The following KHDRBS2 variants were observed in gnomAD, a reference collection of about 807,000 sequenced individuals.
KHDRBS2 encodes the protein KH RNA binding domain containing, signal transduction associated 2, also known as KH domain-containing, RNA-binding, signal transduction-associated protein 2.
KHDRBS2 carries 26 observed loss-of-function variants against 44.3 expected under a neutral mutation model. The observed-to-expected ratio is 0.59, with a 90% CI of 0.43 to 0.81. KHDRBS2 has a LOEUF of 0.81. Ranked by LOEUF, KHDRBS2 falls within the 40% of genes least tolerant of loss-of-function variation. The probability of loss-of-function intolerance (pLI) is 0.00; values close to 1 mark genes in which losing one functional copy is unlikely to be tolerated. For synonymous variants in KHDRBS2, 194 were observed against 151.1 expected (o/e 1.28, Z -2.08); for missense variants, 476 against 433.1 (o/e 1.10, Z -0.88).
the KHDRBS2 span, among the ~76,000 whole-genome samples, chr6:61,543,913 A>G: frequency 6.6e-6 from 1 of 152,046 alleles, no homozygotes; most frequent in Non-Finnish European, 1.5e-5. Flanking sequence ...AATTGAACTC[A>G]TGGAGACAGT....
intron 2 of KHDRBS2, among the ~76,000 whole-genome samples, chr6:62,153,461 T>C (rs1469383047): frequency 6.6e-6 from 1 of 150,828 alleles, no homozygotes. Context: ...AAATAGTCAA[T>C]ACTTGGCTCT....
intron 1 of KHDRBS2, among the ~76,000 whole-genome samples, chr6:62,193,632 G>A (rs1158559342): frequency 6.6e-6 from 1 of 152,008 alleles, no homozygotes; most frequent in East Asian, 1.9e-4. Context: ...ATTCCTGCAG[G>A]TGGACATTTT....
intron 6 of KHDRBS2, among the ~76,000 whole-genome samples, chr6:61,752,305 A>G (rs1462762135): frequency 6.6e-6 from 1 of 152,128 alleles, no homozygotes; most frequent in Non-Finnish European, 1.5e-5. Context: ...GACTTTTTCT[A>G]TTTCAAAGGT....
chr6:61,945,110 A>ATTTAT, intron 4 of KHDRBS2, among the ~76,000 whole-genome samples: 1 of 46,272 alleles, frequency 2.2e-5, no homozygotes, highest in African/African-American at 1.1e-4. Flanking sequence ...AAAAAAAAAA[A>ATTTAT]AAGTATATAT....
downstream of KHDRBS2, among the ~76,000 whole-genome samples, chr6:61,678,350 A>C (rs1766061789): frequency 6.6e-6 from 1 of 151,962 alleles, no homozygotes; most frequent in Admixed American, 6.6e-5. Flanking sequence ...TTTACTCCGT[A>C]ACTATCTGCT....
chr6:61,748,019 C>G (rs1379715098), intron 6 of KHDRBS2, among the ~76,000 whole-genome samples: 1 of 152,166 alleles, frequency 6.6e-6, no homozygotes, highest in Non-Finnish European at 1.5e-5. Context: ...GAGACAGAGT[C>G]TCACACTGTT....
At chr6:61,743,631 T>C (rs1451203331) in intron 6 of KHDRBS2, among the ~76,000 whole-genome samples, 1 of 152,120 alleles carries the variant, frequency 6.6e-6, no homozygotes, top group African/African-American at 2.4e-5. Flanking sequence ...TTTATTTTTT[T>C]AATTTTATTA....
intron 2 of KHDRBS2, among the ~76,000 whole-genome samples, chr6:62,093,653 C>T (rs1010201428): frequency 6.6e-6 from 1 of 151,800 alleles, no homozygotes; most frequent in African/African-American, 2.4e-5. Context: ...CTCCTTTACA[C>T]CCTCCAAATC....
intron 6 of KHDRBS2, among the ~76,000 whole-genome samples, chr6:61,872,821 G>GT (rs778164146): frequency 2.0e-5 from 3 of 152,034 alleles, no homozygotes; most frequent in East Asian, 1.9e-4. Context: ...AATTAAGTTG[G>GT]TGTTATATTG....
intron 1 of KHDRBS2, among the ~76,000 whole-genome samples, chr6:62,221,695 C>T (rs1410394229): frequency 6.6e-6 from 1 of 152,126 alleles, no homozygotes; most frequent in African/African-American, 2.4e-5. Flanking sequence ...AATCCACCAT[C>T]ACTGTTGTAG....
chr6:61,559,671 A>G, the KHDRBS2 span, among the ~76,000 whole-genome samples: 1 of 152,192 alleles, frequency 6.6e-6, no homozygotes, highest in Non-Finnish European at 1.5e-5. Flanking sequence ...TGATTGCATA[A>G]ACAAAGAAAC....
At chr6:62,061,688 T>C (rs902656212) in intron 2 of KHDRBS2, among the ~76,000 whole-genome samples, 1 of 151,344 alleles carries the variant, frequency 6.6e-6, no homozygotes, top group East Asian at 2.0e-4. Context: ...CTTTGTGGCC[T>C]TCTCTGTATT....
At chr6:62,133,250 A>T (rs1448797992) in intron 2 of KHDRBS2, among the ~76,000 whole-genome samples, 1 of 151,974 alleles carries the variant, frequency 6.6e-6, no homozygotes, top group Non-Finnish European at 1.5e-5. Flanking sequence ...TTCCCACGTG[A>T]TGTGGGAGAG....
intron 5 of KHDRBS2, among the ~76,000 whole-genome samples, chr6:61,897,360 A>T (rs1352169373): frequency 6.6e-6 from 1 of 152,142 alleles, no homozygotes. Context: ...TTAAAAATAC[A>T]TTGAGATATT....
chr6:62,170,148 C>A lies in KHDRBS2; in HGVS notation c.219+7037G>T, dbSNP rs1289037473. On this transcript the variant is annotated intron_variant, in intron 2 of 8. Transcript: ENST00000281156. The stretch of plus-strand genomic sequence containing the variant: ...TTCCCTGGGGAAGCACCCAGACAGT[C>A]ATCTGACCCCACCCACTCCCACAGC... 6.6e-5 allele frequency among the ~76,000 whole-genome samples: 10 copies of A among 152,124 alleles called. No homozygotes were observed. In the East Asian group the frequency reaches 2.0e-3, roughly 30 times the overall value.
the KHDRBS2 span, among the ~76,000 whole-genome samples, chr6:61,560,965 C>A: frequency 2.0e-5 from 3 of 152,206 alleles, no homozygotes; most frequent in South Asian, 2.1e-4. Context: ...CTTAGGAAAG[C>A]TTTTCAGGTA....
intron 1 of KHDRBS2, among the ~76,000 whole-genome samples, chr6:62,220,988 T>C (rs542275135): frequency 2.7e-4 from 41 of 152,002 alleles, no homozygotes; most frequent in African/African-American, 8.2e-4. Context: ...AGAAATTAAA[T>C]CACCACCTTG....
chr6:61,591,882 G>C, the KHDRBS2 span, among the ~76,000 whole-genome samples: 1 of 152,098 alleles, frequency 6.6e-6, no homozygotes, highest in South Asian at 2.1e-4. Context: ...AATTGACAAA[G>C]AGCAGATTAA....
chr6:62,061,882 C>CT (rs2127327663), intron 2 of KHDRBS2, among the ~76,000 whole-genome samples: 1 of 151,094 alleles, frequency 6.6e-6, no homozygotes, highest in East Asian at 2.0e-4. Flanking sequence ...TCTTTTTATT[C>CT]TTTTTTCTCT....
Sources: gnomAD v4.1 joint callset for allele counts (sites outside exome capture counted in the v4.1 genomes callset) on GRCh38, gnomAD v4.1.1 for gene constraint, MANE v1.5 for transcripts, NCBI Gene and HGNC (gene_info 2026-07-23, HGNC 2026-07-21) for gene names.